Variants in LOC400499 observed in about 807,000 individuals in gnomAD.
the LOC400499 span, chr16:11,440,752 G>C: frequency 2.5e-6 from 1 of 398,954 alleles, no homozygotes; most frequent in Non-Finnish European, 4.4e-6. Context: ...ATTGACGGCA[G>C]CTCGTGCATC....
At chr16:11,391,881 C>G in the LOC400499 span, 1 of 1,188,324 alleles carries the variant, frequency 8.4e-7, no homozygotes. Flanking sequence ...GAAACCGAGG[C>G]AGAATCAGGG....
the LOC400499 span, among the ~76,000 whole-genome samples, chr16:11,453,988 AC>A: frequency 6.6e-6 from 1 of 152,216 alleles, no homozygotes; most frequent in African/African-American, 2.4e-5. Flanking sequence ...AAATTGAAAC[AC>A]CCTATGCTAA....
the LOC400499 span, among the ~76,000 whole-genome samples, chr16:11,474,581 C>T: frequency 4.6e-5 from 7 of 151,990 alleles, no homozygotes; most frequent in South Asian, 4.1e-4. Flanking sequence ...AAAATAAAGC[C>T]GGGTGCAGCG....
At chr16:11,494,495 C>A in the LOC400499 span, 1 of 360,724 alleles carries the variant, frequency 2.8e-6, no homozygotes, top group Non-Finnish European at 4.9e-6. Context: ...CCCCCACCCT[C>A]TCCACCTGGA....
At chr16:11,397,495 G>C in the LOC400499 span, among the ~76,000 whole-genome samples, 5 of 152,176 alleles carry the variant, frequency 3.3e-5, no homozygotes, top group East Asian at 5.8e-4. Flanking sequence ...GGATGGTCTC[G>C]ATCTCCTGAC....
At chr16:11,476,843 C>T in the LOC400499 span, 28 of 399,500 alleles carry the variant, frequency 7.0e-5, no homozygotes, top group South Asian at 2.7e-3. Context: ...ACCTGGATCC[C>T]GCCATCCAGG....
the LOC400499 span, among the ~76,000 whole-genome samples, chr16:11,445,388 T>C: frequency 6.6e-6 from 1 of 150,838 alleles, no homozygotes; most frequent in Non-Finnish European, 1.5e-5. Flanking sequence ...ACCACTACAC[T>C]CCGGCTTGAG....
At chr16:11,413,901 T>C in the LOC400499 span, among the ~76,000 whole-genome samples, 1 of 152,262 alleles carries the variant, frequency 6.6e-6, no homozygotes, top group East Asian at 1.9e-4. Context: ...GCCACACAGC[T>C]GGCAAGCAGC....
At chr16:11,383,508 T>G in the LOC400499 span, 1 of 1,014,670 alleles carries the variant, frequency 9.9e-7, no homozygotes, top group Non-Finnish European at 1.3e-6. Flanking sequence ...GCAGTCTTAA[T>G]AAATGTTGTG....
the LOC400499 span, among the ~76,000 whole-genome samples, chr16:11,380,482 C>T: frequency 6.6e-6 from 1 of 151,918 alleles, no homozygotes; most frequent in African/African-American, 2.4e-5. Context: ...CGGGAGGCTG[C>T]ACCACTGCAC....
chr16:11,523,577 G>C, the LOC400499 span: 181 of 396,712 alleles, frequency 4.6e-4, no homozygotes, highest in African/African-American at 3.5e-3. Flanking sequence ...GATGAGAAAT[G>C]ATAATGCCAG....
the LOC400499 span, among the ~76,000 whole-genome samples, chr16:11,507,638 C>T: frequency 1.3e-5 from 2 of 152,124 alleles, no homozygotes; most frequent in Non-Finnish European, 2.9e-5. Flanking sequence ...CTCAATTAAA[C>T]TGTAAAGCCC....
chr16:11,406,624 G>T, the LOC400499 span, among the ~76,000 whole-genome samples: 5 of 152,184 alleles, frequency 3.3e-5, no homozygotes, highest in East Asian at 1.9e-4. Context: ...TAGAGACGGG[G>T]TTTCCCCATG....
At chr16:11,431,676 G>A in the LOC400499 span, among the ~76,000 whole-genome samples, 34 of 152,262 alleles carry the variant, frequency 2.2e-4, no homozygotes, top group East Asian at 6.2e-3. Context: ...AAAGTGCTGG[G>A]ATTACAGGCA....
the LOC400499 span, among the ~76,000 whole-genome samples, chr16:11,522,940 G>T: frequency 6.6e-6 from 1 of 152,142 alleles, no homozygotes; most frequent in Non-Finnish European, 1.5e-5. Context: ...TGAGGCCAGG[G>T]GATCAAGCGT....
At chr16:11,487,647 T>A in the LOC400499 span, among the ~76,000 whole-genome samples, 9 of 152,210 alleles carry the variant, frequency 5.9e-5, no homozygotes, top group African/African-American at 2.2e-4. Flanking sequence ...CTTCCCAGAA[T>A]GGCTGAGGTA....
the LOC400499 span, among the ~76,000 whole-genome samples, chr16:11,437,891 G>A: frequency 6.6e-6 from 1 of 152,082 alleles, no homozygotes; most frequent in African/African-American, 2.4e-5. Flanking sequence ...TGATAATAAT[G>A]TTTGCACTCA....
the LOC400499 span, among the ~76,000 whole-genome samples, chr16:11,425,595 C>T: frequency 6.6e-6 from 1 of 152,176 alleles, no homozygotes; most frequent in Admixed American, 6.5e-5. Flanking sequence ...CATCAGAGTA[C>T]ACCAGCTCCC....
chr16:11,395,745 G>A, the LOC400499 span, among the ~76,000 whole-genome samples: 2 of 152,332 alleles, frequency 1.3e-5, no homozygotes, highest in East Asian at 1.9e-4. Flanking sequence ...CGAAAGTCAC[G>A]AGGCCAAGTT....
Sources: gnomAD v4.1 joint callset for allele counts (sites outside exome capture counted in the v4.1 genomes callset) on GRCh38, gnomAD v4.1.1 for gene constraint, MANE v1.5 for transcripts.